The following SLC39A12 variants were observed in gnomAD, a reference collection of about 807,000 sequenced individuals.
The protein encoded by SLC39A12 is zinc transporter ZIP12.
A neutral mutation model predicts 71.1 loss-of-function variants in SLC39A12; 63 were observed. The observed-to-expected ratio is 0.89, with a 90% CI of 0.72 to 1.09. The LOEUF (loss-of-function observed/expected upper bound fraction) is 1.09. Ranked by LOEUF, SLC39A12 falls within the 50% of genes least tolerant of loss-of-function variation. The pLI is 0.00. For missense variants in SLC39A12, 892 were observed against 812.6 expected (o/e 1.10, Z -1.19); for synonymous variants, 351 against 301.3 (o/e 1.16, Z -1.71).
chr10:17,953,498 C>A lies in SLC39A12; in HGVS notation c.222C>A (p.Cys74Ter), dbSNP rs1554847405. 2 of 1,614,104 alleles carry A rather than the reference C, an allele frequency of 1.2e-6. No individual in the cohort carries two copies. The highest frequency in any genetic ancestry group is 1.7e-6 in the Non-Finnish European group (2 of 1,180,024). ...AAACATTGTTGGAGAAAACTGGGTG[C>A]CCACGGAGGAGAAACGGAATGCAAG... ...LIKTLLEKTGCPRRRNGMQGD... is the reference protein window; with the variant it reads ...LIKTLLEKTG Residue 74 changes from cysteine (C) to a stop codon, truncating the protein, a stop_gained, in exon 2 of 13, where the codon TGC becomes TGA. Coordinates refer to ENST00000377369, the MANE Select transcript of SLC39A12 (RefSeq NM_001145195.2). LOFTEE classifies it high-confidence loss of function.
intron 12 of SLC39A12, among the ~76,000 whole-genome samples, chr10:18,013,346 TTTATTATTATTATTATTATTA>T (rs35228459): frequency 7.2e-6 from 1 of 139,846 alleles, no homozygotes; most frequent in Non-Finnish European, 1.5e-5. Flanking sequence ...TCCAACTTTA[TTTATTATTATTATTATTATTA>T]TTATTATTAT....
rs199815625 is a variant in SLC39A12 at position 18,042,721 on chromosome 10, A to G, written c.1964A>G (p.His655Arg). The G allele has an allele frequency of 8.1e-6, 13 of 1,607,140 alleles. No homozygotes were observed. The East Asian group carries it at 2.7e-4, about 33-fold the overall frequency. ...TTTTTTTAGCTTCCTGAAATGACTC[A>G]TGTTCAAACACAACGACCCTGGATG... Reference protein sequence around the residue: ...SLVEMLPEMTHVQTQRPWMMF... With the variant: ...SLVEMLPEMTRVQTQRPWMMF... The change falls in exon 13 of 13, where the codon CAT becomes CGT. Residue 655 changes from histidine to arginine, a missense_variant. His to Arg is a conservative substitution (Grantham distance 29, BLOSUM62 0). Transcript: ENST00000377369.
intron 12 of SLC39A12, among the ~76,000 whole-genome samples, chr10:18,014,372 C>T (rs909123128): frequency 1.3e-5 from 2 of 151,896 alleles, no homozygotes; most frequent in Non-Finnish European, 2.9e-5. Context: ...AAATATACAC[C>T]TACTGCTTAA....
chr10:17,960,065 A>G (rs1834648073), intron 2 of SLC39A12, among the ~76,000 whole-genome samples: 1 of 152,238 alleles, frequency 6.6e-6, no homozygotes, highest in African/African-American at 2.4e-5. Context: ...AACAAAGAGT[A>G]ATAAATTGTG....
Position 18,042,803 on chromosome 10 carries a change from G to T in SLC39A12, c.2046G>T (p.Leu682Phe). The T allele has an allele frequency of 6.2e-7, 1 of 1,610,366 alleles. No individual in the cohort carries two copies. Among genetic ancestry groups the T allele is most frequent in the Non-Finnish European group, 8.5e-7 (1 of 1,178,746 alleles). Residue 682 changes from leucine (L) to phenylalanine (F), a missense_variant, in exon 13 of 13, where the codon TTG (leucine) becomes TTT (phenylalanine). Physicochemically the swap from Leu to Phe is conservative, Grantham distance 22 (BLOSUM62 0). Transcript: ENST00000377369. ...LILGWLSLLL[L>F]AIYEQNIKI ...TAGGTTGGCTTTCTCTCCTGCTCTT[G>T]GCTATATATGAGCAAAATATTAAAA...
At chr10:18,015,063 C>T (rs992450215) in intron 12 of SLC39A12, among the ~76,000 whole-genome samples, 3 of 152,140 alleles carry the variant, frequency 2.0e-5, no homozygotes, top group Admixed American at 6.6e-5. Context: ...AAAGGCCAAA[C>T]GGTCTTCCTA....
intron 10 of SLC39A12, among the ~76,000 whole-genome samples, chr10:17,998,123 C>T (rs983195883): frequency 2.2e-4 from 33 of 152,112 alleles, no homozygotes; most frequent in Non-Finnish European, 3.7e-4. Flanking sequence ...CTCAACCTCC[C>T]GCTAAATAAT....
chr10:18,016,430 C>G (rs1836385100), intron 12 of SLC39A12, among the ~76,000 whole-genome samples: 1 of 152,138 alleles, frequency 6.6e-6, no homozygotes, highest in African/African-American at 2.4e-5. Flanking sequence ...CACCATTTAT[C>G]CATTTACCTA....
chr10:18,022,225 T>C (rs1418300054), intron 12 of SLC39A12, among the ~76,000 whole-genome samples: 1 of 152,212 alleles, frequency 6.6e-6, no homozygotes, highest in Non-Finnish European at 1.5e-5. Flanking sequence ...GTTTTCCAAT[T>C]TGCTTGCTTC....
intron 1 of SLC39A12, among the ~76,000 whole-genome samples, chr10:17,952,779 G>A (rs926060967): frequency 5.9e-5 from 9 of 152,092 alleles, no homozygotes; most frequent in African/African-American, 9.7e-5. Flanking sequence ...GAGCTACCGC[G>A]CCTGGCCTAA....
intron 12 of SLC39A12, among the ~76,000 whole-genome samples, chr10:18,041,554 A>G (rs898261709): frequency 2.1e-5 from 3 of 139,872 alleles, no homozygotes; most frequent in South Asian, 2.2e-4. Flanking sequence ...ACACACACAC[A>G]CACGCACACA....
At chr10:18,036,230 GGC>G (rs1366991492) in intron 12 of SLC39A12, among the ~76,000 whole-genome samples, 1 of 152,222 alleles carries the variant, frequency 6.6e-6, no homozygotes, top group Non-Finnish European at 1.5e-5. Flanking sequence ...GGCAATGGCG[GGC>G]GCCCCTCCCC....
chr10:18,036,965 T>G lies in SLC39A12; in HGVS notation c.1948-5740T>G, dbSNP rs184587715. Among the ~76,000 whole-genome samples, 11 of 151,522 alleles carry G rather than the reference T, an allele frequency of 7.3e-5. No individual in the cohort carries two copies. In the East Asian group the frequency reaches 2.1e-3, roughly 30 times the overall value. On this transcript the variant is annotated intron_variant, in intron 12 of 12. Coordinates refer to ENST00000377369, the MANE Select transcript of SLC39A12 (RefSeq NM_001145195.2). ...CCATGCCTGGCTAATTTTTGTGTTTTTAATAGAGTCTGCGTTTCACCATAT... is the reference window on the plus strand; with the variant it reads ...CCATGCCTGGCTAATTTTTGTGTTTGTAATAGAGTCTGCGTTTCACCATAT...
At chr10:17,982,758 G>A (rs577945823) in intron 6 of SLC39A12, among the ~76,000 whole-genome samples, 2 of 152,218 alleles carry the variant, frequency 1.3e-5, no homozygotes, top group South Asian at 4.2e-4. Context: ...GCTTGGGGCC[G>A]GAATGTACAG....
intron 12 of SLC39A12, among the ~76,000 whole-genome samples, chr10:18,039,109 T>C (rs562426411): frequency 6.6e-6 from 1 of 152,334 alleles, no homozygotes; most frequent in Non-Finnish European, 1.5e-5. Context: ...TACTGTGTAC[T>C]TTACCAAAGA....
Position 17,954,125 on chromosome 10 carries a change from A to G in SLC39A12, c.261+588A>G, listed in dbSNP as rs901785472. On this transcript the variant is annotated intron_variant, in intron 2 of 12. Coordinates refer to ENST00000377369, the MANE Select transcript of SLC39A12 (RefSeq NM_001145195.2). ...AGCCTGATCTTAGCCTACAAAGCGA[A>G]TCTCAACCCTGATTGGAATCAGCTG... Among the ~76,000 whole-genome samples, 3 of 152,200 alleles carry G rather than the reference A, an allele frequency of 2.0e-5. No homozygotes were observed. In the South Asian group the frequency reaches 6.2e-4, roughly 31 times the overall value.
rs550934660 is a variant in SLC39A12, at chr10:17,987,612, G to A, written c.1230G>A (p.Gly410=). Reference sequence around the variant, plus strand: ...AGCTGTTTGTGGGCTTGGCCGTCGGGACACTGTCTGGGGACGCTCTGCTCC... The same window carrying A: ...AGCTGTTTGTGGGCTTGGCCGTCGGAACACTGTCTGGGGACGCTCTGCTCC... ...ILQLFVGLAV[G]TLSGDALLHL... is the part of the protein sequence containing the mutation. Residue 410 remains glycine, a synonymous_variant, in exon 7 of 13, where the codon GGG becomes GGA. Coordinates refer to ENST00000377369, the MANE Select transcript of SLC39A12 (RefSeq NM_001145195.2). The A allele has an allele frequency of 6.8e-6, 11 of 1,614,042 alleles. No homozygotes were observed. Among genetic ancestry groups the A allele is most frequent in the Non-Finnish European group, 8.5e-6 (10 of 1,180,038 alleles).
At chr10:17,999,795 G>T (rs780356924) in intron 10 of SLC39A12, among the ~76,000 whole-genome samples, 13 of 152,154 alleles carry the variant, frequency 8.5e-5, no homozygotes, top group Admixed American at 6.5e-4. Context: ...AACGTTGGTC[G>T]TGGTTCCGTT....
chr10:17,954,159 T>TC (rs139116664), intron 2 of SLC39A12, among the ~76,000 whole-genome samples: 1 of 152,294 alleles, frequency 6.6e-6, no homozygotes, highest in Non-Finnish European at 1.5e-5. Context: ...TGCATAGGTT[T>TC]CCCAGCATAC....
Sources: gnomAD v4.1 joint callset for allele counts (sites outside exome capture counted in the v4.1 genomes callset) on GRCh38, gnomAD v4.1.1 for gene constraint, MANE v1.5 for transcripts, NCBI Gene and HGNC (gene_info 2026-07-23, HGNC 2026-07-21) for gene names.